GLIS3: variants seen among roughly 807,000 people sequenced by gnomAD.
GLIS3 encodes the protein zinc finger protein GLIS3.
Under a neutral mutation model 78.6 loss-of-function variants are expected in GLIS3, and 53 were observed. The ratio of observed to expected loss-of-function variants is 0.67; its 90% CI spans 0.54 to 0.85. The LOEUF (loss-of-function observed/expected upper bound fraction) is 0.85, where lower values mean the gene tolerates loss of function less well. Ranked by LOEUF, GLIS3 falls within the 40% of genes least tolerant of loss-of-function variation. The probability of loss-of-function intolerance (pLI) is 0.00; values close to 1 mark genes in which losing one functional copy is unlikely to be tolerated. For missense variants in GLIS3, 1,703 were observed against 1,231.1 expected (o/e 1.38, Z -5.74); for synonymous variants, 684 against 509.9 (o/e 1.34, Z -4.60).
At chr9:4,159,487 G>C (rs545103655) in intron 2 of GLIS3, among the ~76,000 whole-genome samples, 2 of 152,324 alleles carry the variant, frequency 1.3e-5, no homozygotes, top group South Asian at 4.1e-4. Flanking sequence ...AGGAGCCCGA[G>C]GCAGGTGGAT....
intron 4 of GLIS3, among the ~76,000 whole-genome samples, chr9:3,941,024 A>ATTC (rs1327265003): frequency 1.3e-5 from 2 of 152,184 alleles, no homozygotes; most frequent in Non-Finnish European, 2.9e-5. Context: ...TGACCCCAGA[A>ATTC]TCAGAATGCT....
At chr9:4,131,649 C>A (rs542059787) in intron 2 of GLIS3, among the ~76,000 whole-genome samples, 6 of 152,272 alleles carry the variant, frequency 3.9e-5, no homozygotes, top group African/African-American at 1.2e-4. Flanking sequence ...CCTGAGGCCA[C>A]CCCAAATACT....
chr9:4,422,650 C>T, the GLIS3 span, among the ~76,000 whole-genome samples: 2 of 152,196 alleles, frequency 1.3e-5, no homozygotes, highest in Non-Finnish European at 2.9e-5. Flanking sequence ...CGGGGGAAGT[C>T]AGAGCAAACC....
intron 4 of GLIS3, among the ~76,000 whole-genome samples, chr9:4,044,617 A>T (rs1030330527): frequency 1.5e-4 from 23 of 152,284 alleles, no homozygotes; most frequent in Non-Finnish European, 3.2e-4. Context: ...TCAGGTGCAC[A>T]TTGCAGTCTG....
At chr9:4,095,889 T>C (rs1829898617) in intron 4 of GLIS3, among the ~76,000 whole-genome samples, 1 of 152,090 alleles carries the variant, frequency 6.6e-6, no homozygotes, top group South Asian at 2.1e-4. Flanking sequence ...TTCAGAGAAG[T>C]TGCTGTCCTG....
intron 4 of GLIS3, among the ~76,000 whole-genome samples, chr9:3,958,677 C>A (rs1308628230): frequency 1.3e-5 from 2 of 152,164 alleles, no homozygotes; most frequent in Admixed American, 1.3e-4. Context: ...AGGAAACTCG[C>A]CCAGTATTTG....
At chr9:4,151,643 G>C (rs1357174110) in intron 2 of GLIS3, among the ~76,000 whole-genome samples, 1 of 152,156 alleles carries the variant, frequency 6.6e-6, no homozygotes, top group Non-Finnish European at 1.5e-5. Context: ...TTGCACTGAG[G>C]GGATTTCTTT....
At chr9:4,019,998 T>G (rs525582) in intron 4 of GLIS3, among the ~76,000 whole-genome samples, 2,424 of 152,224 alleles carry the variant, frequency 0.016, 62 homozygotes, top group African/African-American at 0.056. Flanking sequence ...CCTCAAGTGA[T>G]CCACCTCCTC....
At chr9:4,359,313 T>C in the GLIS3 span, among the ~76,000 whole-genome samples, 1 of 152,284 alleles carries the variant, frequency 6.6e-6, no homozygotes, top group African/African-American at 2.4e-5. Context: ...TCTTTTCTCC[T>C]TACCTTACTG....
chr9:4,184,298 G>C (rs994975198), intron 2 of GLIS3, among the ~76,000 whole-genome samples: 1 of 152,172 alleles, frequency 6.6e-6, no homozygotes, highest in Non-Finnish European at 1.5e-5. Context: ...GAAGATATGT[G>C]ACTGCACAAG....
At chr9:4,049,934 A>G (rs968943211) in intron 4 of GLIS3, among the ~76,000 whole-genome samples, 1 of 152,070 alleles carries the variant, frequency 6.6e-6, no homozygotes, top group African/African-American at 2.4e-5. Context: ...TGATCATTAA[A>G]AAGTCAGAAA....
Position 3,828,129 on chromosome 9 carries a change from T to C in GLIS3, c.*143A>G. 1 of 914,812 alleles carries C rather than the reference T, an allele frequency of 1.1e-6. No homozygotes were observed. The highest frequency in any genetic ancestry group is 1.7e-6 in the Non-Finnish European group (1 of 572,988). 56.7% of individuals were successfully genotyped at this position (914,812 alleles called of 1,614,324 possible). ...CAAAGCTAGCTCTGCCATTCAGTCC[T>C]GCCTTCTGAAAGAACATCAGTAACT... On this transcript the variant is annotated 3_prime_UTR_variant, in exon 11 of 11. Transcript: ENST00000381971.
At chr9:4,422,992 A>G in the GLIS3 span, among the ~76,000 whole-genome samples, 2 of 152,128 alleles carry the variant, frequency 1.3e-5, no homozygotes. Flanking sequence ...GAGTCAAAAG[A>G]GAAAATTAGG....
At chr9:4,200,038 C>G (rs1819225062) in intron 2 of GLIS3, among the ~76,000 whole-genome samples, 2 of 152,098 alleles carry the variant, frequency 1.3e-5, no homozygotes, top group African/African-American at 4.8e-5. Context: ...TGGAAATTAA[C>G]TTACTTCAGA....
At chr9:4,268,028 T>TATGCATACACAC (rs1826177684) in intron 2 of GLIS3, among the ~76,000 whole-genome samples, 1 of 152,106 alleles carries the variant, frequency 6.6e-6, no homozygotes, top group African/African-American at 2.4e-5. Flanking sequence ...TGTGTATATA[T>TATGCATACACAC]GTGCATACAC....
intron 2 of GLIS3, among the ~76,000 whole-genome samples, chr9:4,152,611 T>C (rs539236302): frequency 6.6e-6 from 1 of 152,302 alleles, no homozygotes; most frequent in African/African-American, 2.4e-5. Flanking sequence ...GTAAACGTGG[T>C]GTTCACTCTC....
chr9:4,120,499 T>C (rs916990340), intron 3 of GLIS3, among the ~76,000 whole-genome samples: 1 of 152,218 alleles, frequency 6.6e-6, no homozygotes, highest in Non-Finnish European at 1.5e-5. Context: ...CACTTTTCAA[T>C]TATTTTCCCA....
intron 8 of GLIS3, among the ~76,000 whole-genome samples, chr9:3,873,813 G>A (rs1231664121): frequency 2.1e-5 from 3 of 142,270 alleles, no homozygotes; most frequent in Non-Finnish European, 3.0e-5. Context: ...AAAAGAGGAA[G>A]CCTTCCCAAT....
intron 7 of GLIS3, among the ~76,000 whole-genome samples, chr9:3,898,016 C>CATAAGT (rs1414928853): frequency 6.6e-6 from 1 of 152,152 alleles, no homozygotes; most frequent in Non-Finnish European, 1.5e-5. Context: ...ATTATGTTTG[C>CATAAGT]ATAAGTATAT....
Sources: gnomAD v4.1 joint callset for allele counts (sites outside exome capture counted in the v4.1 genomes callset) on GRCh38, gnomAD v4.1.1 for gene constraint, MANE v1.5 for transcripts, NCBI Gene and HGNC (gene_info 2026-07-23, HGNC 2026-07-21) for gene names.